The following LCORL variants were observed in gnomAD, a reference collection of about 807,000 sequenced individuals.
The protein encoded by LCORL is ligand dependent nuclear receptor corepressor like.
LCORL carries 41 observed loss-of-function variants against 141.8 expected under a neutral mutation model. That is an observed-to-expected ratio of 0.29 (90% CI 0.23 to 0.38). The LOEUF is 0.38. Ranked by LOEUF, LCORL falls within the 10% of genes least tolerant of loss-of-function variation. The pLI, the probability that LCORL is intolerant of heterozygous loss-of-function variation, is 1.00. For synonymous variants in LCORL, 618 were observed against 694.1 expected, an observed-to-expected ratio of 0.89 and a Z score of 1.72; for missense variants, 1,759 against 2,035.0, an observed-to-expected ratio of 0.86 and a Z score of 2.61.
At chr4:17,857,984 A>G (rs1205107747) in intron 7 of LCORL, among the ~76,000 whole-genome samples, 1 of 152,226 alleles carries the variant, frequency 6.6e-6, no homozygotes, top group Non-Finnish European at 1.5e-5. Context: ...CCATGCATGC[A>G]TGCATGCAAA....
At chr4:17,934,063 A>G (rs1390192220) in intron 4 of LCORL, among the ~76,000 whole-genome samples, 1 of 152,040 alleles carries the variant, frequency 6.6e-6, no homozygotes, top group Non-Finnish European at 1.5e-5. Context: ...TCCTAGTATC[A>G]AGTACTCAGA....
At chr4:17,944,595 A>T (rs1278555027) in intron 4 of LCORL, among the ~76,000 whole-genome samples, 1 of 152,104 alleles carries the variant, frequency 6.6e-6, no homozygotes, top group Non-Finnish European at 1.5e-5. Context: ...CTTTCTGGCA[A>T]CACAAAATGC....
At chr4:17,987,251 T>C (rs1475275336) in intron 1 of LCORL, among the ~76,000 whole-genome samples, 1 of 152,188 alleles carries the variant, frequency 6.6e-6, no homozygotes, top group Non-Finnish European at 1.5e-5. Flanking sequence ...ACCATAAAAT[T>C]CACTCACTTT....
In LCORL at chr4:18,020,273, G is replaced by C. The variant is rs151240441; in HGVS notation, c.154+1325C>G. 5.4e-3 allele frequency among the ~76,000 whole-genome samples: 819 copies of C among 152,258 alleles called. 8 individuals are homozygous for C. The highest frequency in any genetic ancestry group is 0.018 in the African/African-American group (768 of 41,550). On this transcript the variant is annotated intron_variant, in intron 1 of 7. Coordinates refer to ENST00000635767, the Ensembl canonical transcript of LCORL. ...ATACATGGGAGGCGGGGTCGGGGGT[G>C]CGAGGTGGTGCCAGAGCAGATGGAA...
At chr4:17,999,210 T>G (rs1245245801) in intron 1 of LCORL, among the ~76,000 whole-genome samples, 1 of 39,546 alleles carries the variant, frequency 2.5e-5, no homozygotes, top group Non-Finnish European at 5.5e-5. Context: ...TCCCAGCACT[T>G]TGGGAGGCCG....
chr4:18,019,933 AATTT>A (rs1431745842), intron 1 of LCORL, among the ~76,000 whole-genome samples: 1 of 152,234 alleles, frequency 6.6e-6, no homozygotes, highest in East Asian at 1.9e-4. Context: ...TTTTTTAAAC[AATTT>A]ATATAAAGAA....
In LCORL at chr4:18,010,607, G is replaced by A. The variant is rs201560610; in HGVS notation, c.154+10991C>T. 5.3e-5 allele frequency among the ~76,000 whole-genome samples: 8 copies of A among 150,918 alleles called. No homozygotes were observed. In the East Asian group the frequency reaches 7.8e-4, roughly 15 times the overall value. ...TGAGATTACAGGCACCTGCCACCAC[G>A]CCTGGCTAATTTTTGTATTTTTAGT... On this transcript the variant is annotated intron_variant, in intron 1 of 7. Coordinates refer to ENST00000635767, the Ensembl canonical transcript of LCORL.
chr4:17,966,305 A>G (rs1006649030), intron 2 of LCORL, among the ~76,000 whole-genome samples: 2 of 152,154 alleles, frequency 1.3e-5, no homozygotes, highest in Non-Finnish European at 1.5e-5. Context: ...AATTTTTAAT[A>G]CTAGAAATGA....
At chr4:17,967,815 T>C (rs1285541754) in intron 2 of LCORL, among the ~76,000 whole-genome samples, 13 of 152,166 alleles carry the variant, frequency 8.5e-5, no homozygotes, top group Non-Finnish European at 1.5e-5. Context: ...TCGCAGTTTC[T>C]GCCTTTAGTT....
At chr4:17,891,739 AAT>A (rs1729110526) in intron 5 of LCORL, among the ~76,000 whole-genome samples, 1 of 152,358 alleles carries the variant, frequency 6.6e-6, no homozygotes, top group Admixed American at 6.5e-5. Flanking sequence ...AGATGATGTA[AAT>A]ATGTTTTGCA....
At chr4:17,875,151 G>A (rs1288748952) in exon 7 of LCORL, 1 of 1,232,500 alleles carries the variant, frequency 8.1e-7, no homozygotes. Context: ...CTGTTCTAAA[G>A]GAGGCAAGCA....
At position 17,924,791 on chromosome 4, in the gene LCORL, G is replaced by A. The variant is rs371720328; in HGVS notation, c.431-15446C>T. 4.6e-5 allele frequency among the ~76,000 whole-genome samples: 7 copies of A among 152,288 alleles called. No individual in the cohort carries two copies. In the East Asian group the frequency reaches 1.2e-3, roughly 25 times the overall value. Reference sequence around the variant, plus strand: ...TGTTCCCCATCATCATGAAGTAGCTGGATTGATAGAATGGTAGAATGGCCT... The same window carrying A: ...TGTTCCCCATCATCATGAAGTAGCTAGATTGATAGAATGGTAGAATGGCCT... On this transcript the variant is annotated intron_variant, in intron 4 of 7. Transcript: ENST00000635767.
At chr4:17,842,520 A>G in exon 8 of LCORL, 1 of 662,436 alleles carries the variant, frequency 1.5e-6, no homozygotes. Context: ...TTAGGTATAT[A>G]GTCTAAAATT....
At position 17,876,332 on chromosome 4, in the gene LCORL, T is replaced by C. The variant is rs942921292; in HGVS notation, c.2658A>G (p.Arg886=). ...ATAAGCTCTGTTCTTTGCATGTCAT[T>C]CTATTTAGAGTAAGAGTCATATTTC... The change falls in exon 7 of 8, where the codon AGA becomes AGG. Residue 886 remains arginine (R), a synonymous_variant. Coordinates refer to ENST00000635767, the Ensembl canonical transcript of LCORL. 1.1e-5 allele frequency: 13 copies of C among 1,230,928 alleles called. No individual in the cohort carries two copies. In the African/African-American group the frequency reaches 1.7e-4, roughly 16 times the overall value. 76.3% of individuals were successfully genotyped at this position (1,230,928 alleles called of 1,614,324 possible).
At chr4:17,950,750 T>C (rs1052748513) in intron 4 of LCORL, among the ~76,000 whole-genome samples, 2 of 151,982 alleles carry the variant, frequency 1.3e-5, no homozygotes, top group Non-Finnish European at 2.9e-5. Context: ...TGTTCATCAT[T>C]AGTCAAGCAA....
At position 17,946,024 on chromosome 4, in the gene LCORL, G is replaced by C. The variant is rs773400670; in HGVS notation, c.430+15879C>G. Among the ~76,000 whole-genome samples, 23 of 151,870 alleles carry C rather than the reference G, an allele frequency of 1.5e-4. No homozygotes were observed. The South Asian group carries it at 1.9e-3, about 12-fold the overall frequency. On this transcript the variant is annotated intron_variant, in intron 4 of 7. Coordinates refer to ENST00000635767, the Ensembl canonical transcript of LCORL. Reference sequence around the variant, plus strand: ...TCTAAGACATATAGATTTTTCTGAGGAGTTTAAAAAAACCAAACTCTTGTT... The same window carrying C: ...TCTAAGACATATAGATTTTTCTGAGCAGTTTAAAAAAACCAAACTCTTGTT...
intron 4 of LCORL, among the ~76,000 whole-genome samples, chr4:17,933,976 C>T (rs905115829): frequency 1.3e-5 from 2 of 151,996 alleles, no homozygotes; most frequent in Admixed American, 6.6e-5. Flanking sequence ...TTAGCTCACC[C>T]TTCTCTTCAT....
In LCORL at chr4:17,886,006, A is replaced by G. The variant is rs559616059; in HGVS notation, c.776+62T>C. ...GTCAATACTACTCAGAATAGTATTA[A>G]GAGTTCTCTGCAGAGATAATTTTAT... On this transcript the variant is annotated intron_variant, in intron 6 of 7. Coordinates refer to ENST00000635767, the Ensembl canonical transcript of LCORL. 1.3e-4 allele frequency: 119 copies of G among 921,424 alleles called. 1 individual carries two copies. The South Asian group carries it at 1.9e-3, about 15-fold the overall frequency. The allele number at this position is 921,424 out of a possible 1,614,324, so 57.1% of individuals were successfully genotyped here.
At chr4:17,877,138 A>G (rs915782722) in exon 7 of LCORL, 32 of 1,230,758 alleles carry the variant, frequency 2.6e-5, no homozygotes, top group Non-Finnish European at 1.6e-5. Context: ...GGTGAATCAG[A>G]GGAGTTGCGC....
Sources: gnomAD v4.1 joint callset for allele counts (sites outside exome capture counted in the v4.1 genomes callset) on GRCh38, gnomAD v4.1.1 for gene constraint, MANE v1.5 for transcripts, NCBI Gene and HGNC (gene_info 2026-07-23, HGNC 2026-07-21) for gene names.